Variants in TRPM8 observed in about 807,000 individuals in gnomAD.
The protein encoded by TRPM8 is transient receptor potential cation channel subfamily M member 8, also known as TRPM8 cationic channel.
A neutral mutation model predicts 133.7 loss-of-function variants in TRPM8; 110 were observed. The observed-to-expected ratio is 0.82, with a 90% CI of 0.70 to 0.96. The LOEUF (loss-of-function observed/expected upper bound fraction) is 0.96, where lower values mean the gene tolerates loss of function less well. TRPM8 is among the 40% of genes least tolerant of loss of function. TRPM8 has a pLI of 0.00. For missense variants in TRPM8, 1,291 were observed against 1,379.5 expected (o/e 0.94, Z 1.02); for synonymous variants, 535 against 532.3 (o/e 1.01, Z -0.07).
intron 11 of TRPM8, among the ~76,000 whole-genome samples, chr2:233,958,157 G>A (rs1004494477): frequency 3.9e-5 from 6 of 152,142 alleles, no homozygotes; most frequent in Non-Finnish European, 5.9e-5. Flanking sequence ...GGGCTCCATC[G>A]GTATCATGGC....
rs775559009 is a variant in TRPM8, at chr2:233,942,713, A to T, written c.664A>T (p.Asn222Tyr). 8 of 1,614,192 alleles carry T rather than the reference A, an allele frequency of 5.0e-6. No homozygotes were observed. The highest frequency in any genetic ancestry group is 4.0e-5 in the African/African-American group (3 of 75,046). ...IGIAAWGMVS[N>Y]RDTLIRNCDA... ...CATAGCAGCTTGGGGCATGGTCTCC[A>T]ACCGGGACACCCTCATCAGGAATTG... is the stretch of plus-strand genomic sequence containing the variant. The change falls in exon 6 of 26, where the codon AAC (asparagine) becomes TAC (tyrosine). Residue 222 changes from asparagine (N) to tyrosine (Y), a missense_variant. Physicochemically the swap from Asn to Tyr is moderately radical, Grantham distance 143. Transcript: ENST00000324695.
rs144284036 is a variant in TRPM8, at chr2:233,966,614, G to C, written c.1884G>C (p.Leu628=). 548 of 1,613,996 alleles carry C rather than the reference G, an allele frequency of 3.4e-4. 2 individuals carry two copies. The highest frequency in any genetic ancestry group is 4.2e-4 in the Non-Finnish European group (499 of 1,180,034). ...ANEYETRAVE[L]FTECYSSDED... is the part of the protein sequence containing the mutation. Reference sequence around the variant, plus strand: ...TCTGTGCTGATGTCGCTGTAGAGCTGTTCACTGAGTGTTACAGCAGCGATG... The same window carrying C: ...TCTGTGCTGATGTCGCTGTAGAGCTCTTCACTGAGTGTTACAGCAGCGATG... Residue 628 remains leucine (L), a synonymous_variant, in exon 15 of 26, where the codon CTG becomes CTC. Transcript: ENST00000324695.
Position 233,947,164 on chromosome 2 carries a change from T to C in TRPM8, c.942+9T>C, listed in dbSNP as rs200467588. On this transcript the variant is annotated intron_variant, in intron 8 of 25. Transcript: ENST00000324695. ...GAAAAGAGACTTTGAAAGTGAGTCC[T>C]GATTTAGTTTTCTAGAAGGTTGGCT... 25 of 1,613,872 alleles carry C rather than the reference T, an allele frequency of 1.5e-5. No homozygotes were observed. In the African/African-American group the frequency reaches 2.1e-4, roughly 14 times the overall value.
At chr2:233,936,319 A>G (rs1049481021) in intron 3 of TRPM8, among the ~76,000 whole-genome samples, 2 of 152,220 alleles carry the variant, frequency 1.3e-5, no homozygotes, top group Non-Finnish European at 2.9e-5. Flanking sequence ...ATGTTGGCAA[A>G]GGCACAAGGG....
At chr2:233,983,021 C>T in intron 19 of TRPM8, 32 bp from the exon 20 acceptor site, 1 of 1,598,226 alleles carries the variant, frequency 6.3e-7, no homozygotes, top group Non-Finnish European at 8.6e-7. Context: ...TGGGCACGGT[C>T]CTGACTCCGC....
Position 233,970,265 on chromosome 2 carries a change from A to G in TRPM8, c.2194A>G (p.Thr732Ala), listed in dbSNP as rs764238693. The stretch of plus-strand genomic sequence containing the variant: ...GCTTTGGTACTATGTGGCGTTCTTC[A>G]CCTCCCCCTTCGTGGTCTTCTCCTG... ...KLLWYYVAFF[T>A]SPFVVFSWNV... The change falls in exon 17 of 26, where the codon ACC (threonine) becomes GCC (alanine). Residue 732 changes from threonine (T) to alanine (A), a missense_variant. Thr to Ala is a moderately conservative substitution (Grantham distance 58, BLOSUM62 0). Transcript: ENST00000324695. 3 of 1,613,500 alleles carry G rather than the reference A, an allele frequency of 1.9e-6. No individual in the cohort carries two copies. Among genetic ancestry groups the G allele is most frequent in the Non-Finnish European group, 2.5e-6 (3 of 1,179,894 alleles).
At chr2:233,943,573 G>C (rs759781837) in intron 6 of TRPM8, among the ~76,000 whole-genome samples, 1 of 152,118 alleles carries the variant, frequency 6.6e-6, no homozygotes, top group Non-Finnish European at 1.5e-5. Flanking sequence ...CAAATCAATG[G>C]ATATTGTCCT....
rs553334240 is a variant in TRPM8, at chr2:233,989,449, C to T, written c.2939+3584C>T. On this transcript the variant is annotated intron_variant, in intron 21 of 25. Coordinates refer to ENST00000324695, the MANE Select transcript of TRPM8 (RefSeq NM_024080.5). The surrounding 1 kb of genome is among the most constrained non-coding windows in gnomAD (Gnocchi z 4.2). ...GGGGAACCTCCTCGATTAGCTCCGGCTTAAACCAGAGGCCTTTTCCTGGCT... is the reference window on the plus strand; with the variant it reads ...GGGGAACCTCCTCGATTAGCTCCGGTTTAAACCAGAGGCCTTTTCCTGGCT... 1.6e-4 allele frequency among the ~76,000 whole-genome samples: 24 copies of T among 152,342 alleles called. No individual in the cohort carries two copies. The highest frequency in any genetic ancestry group is 5.8e-4 in the African/African-American group (24 of 41,582).
chr2:233,997,358 C>T (rs1692434566), intron 22 of TRPM8, among the ~76,000 whole-genome samples: 1 of 152,208 alleles, frequency 6.6e-6, no homozygotes, highest in Admixed American at 6.5e-5. Flanking sequence ...GAGACTCCTC[C>T]TCCCTGCCCC....
intron 1 of TRPM8, among the ~76,000 whole-genome samples, chr2:233,923,709 A>G (rs1691455726): frequency 6.6e-6 from 1 of 152,188 alleles, no homozygotes; most frequent in Non-Finnish European, 1.5e-5. Context: ...ATGGGTCTTG[A>G]GACTTCTAGT....
intron 11 of TRPM8, 96 bp downstream of exon 11, chr2:233,955,346 A>G (rs1476388258): frequency 1.2e-6 from 1 of 846,142 alleles, no homozygotes; most frequent in East Asian, 2.5e-5. Flanking sequence ...TCAATACCAA[A>G]TCTCTTAAAG....
intron 22 of TRPM8, among the ~76,000 whole-genome samples, chr2:233,998,488 C>T (rs995104286): frequency 1.3e-4 from 19 of 150,970 alleles, no homozygotes; most frequent in African/African-American, 1.7e-4. Flanking sequence ...GAGCAGCCTG[C>T]GCCCAACCAG....
At chr2:234,007,938 C>A in intron 23 of TRPM8, 132 bp from the exon 24 acceptor site, 2 of 927,050 alleles carry the variant, frequency 2.2e-6, no homozygotes, top group Non-Finnish European at 3.4e-6. Context: ...GCAGCTGATT[C>A]TTGATTTAGC....
chr2:233,973,430 T>C (rs982925142), intron 17 of TRPM8, among the ~76,000 whole-genome samples: 3 of 152,194 alleles, frequency 2.0e-5, no homozygotes, highest in Non-Finnish European at 4.4e-5. Flanking sequence ...CCTTGGCTTG[T>C]CGATGCATCC....
intron 11 of TRPM8, 41 bp from the exon 12 acceptor site, chr2:233,960,735 T>G (rs1691411441): frequency 1.3e-6 from 2 of 1,550,400 alleles, no homozygotes; most frequent in African/African-American, 2.7e-5. Flanking sequence ...TTACCATATT[T>G]TTATAGTATT....
chr2:233,947,272 G>C (rs1691066918), intron 8 of TRPM8, 117 bp downstream of exon 8: 1 of 1,556,142 alleles, frequency 6.4e-7, no homozygotes, highest in Admixed American at 1.9e-5. Context: ...CAGCAAGTAG[G>C]TAGTGTTTTC....
intron 15 of TRPM8, among the ~76,000 whole-genome samples, chr2:233,968,799 G>A (rs1691637604): frequency 6.6e-6 from 1 of 152,074 alleles, no homozygotes; most frequent in African/African-American, 2.4e-5. Flanking sequence ...CAGAGCTACT[G>A]TGAGTTTTCT....
At chr2:233,931,373 C>A (rs1691676792) in intron 3 of TRPM8, among the ~76,000 whole-genome samples, 1 of 152,166 alleles carries the variant, frequency 6.6e-6, no homozygotes, top group East Asian at 1.9e-4. Flanking sequence ...TTATTCCTCT[C>A]TGCCCCTTCC....
chr2:233,994,287 G>C (rs1455076072), intron 21 of TRPM8, among the ~76,000 whole-genome samples: 1 of 152,196 alleles, frequency 6.6e-6, no homozygotes, highest in Non-Finnish European at 1.5e-5. Context: ...GATGATGCTT[G>C]CTATTAGCCT....
Sources: allele counts gnomAD v4.1 joint callset (sites outside exome capture counted in the v4.1 genomes callset), GRCh38; gene constraint gnomAD v4.1.1; non-coding constraint Gnocchi (gnomAD v3.1); transcripts MANE v1.5; gene names NCBI Gene and HGNC (gene_info 2026-07-23, HGNC 2026-07-21).